Variants in AMZ2 observed in about 807,000 individuals in gnomAD.
The protein encoded by AMZ2 is archaelysin family metallopeptidase 2.
AMZ2 carries 26 observed loss-of-function variants against 36.7 expected under a neutral mutation model. The observed-to-expected ratio is 0.71, with a 90% confidence interval of 0.52 to 0.98. The LOEUF is 0.98. Ranked by LOEUF, AMZ2 falls within the 50% of genes least tolerant of loss-of-function variation. AMZ2 has a pLI of 0.00. For missense variants in AMZ2, 394 were observed against 430.5 expected (o/e 0.92, Z 0.75); for synonymous variants, 144 against 149.1 (o/e 0.97, Z 0.25).
At position 68,206,247 on chromosome 17, in the gene AMZ2, C is replaced by G. The variant is rs181720841; in HGVS notation, c.-67+9C>G. On this transcript the variant is annotated intron_variant, in intron 1 of 7. Transcript: ENST00000674770. ...CTACAGCAGCACTCCAGGTACCCAC[C>G]CAGCCCAGTTGCTGCAGACTCCTTC... 3.0e-4 allele frequency: 387 copies of G among 1,300,324 alleles called. 3 individuals carry two copies. The East Asian group carries it at 9.8e-3, about 33-fold the overall frequency. The allele number at this position is 1,300,324 out of a possible 1,614,324, so 80.5% of individuals were successfully genotyped here.
intron 4 of AMZ2, among the ~76,000 whole-genome samples, chr17:68,254,067 C>A (rs1555741339): frequency 6.6e-6 from 1 of 152,118 alleles, no homozygotes; most frequent in Non-Finnish European, 1.5e-5. Context: ...TTTTATGATT[C>A]CTTTTTGAGT....
At chr17:68,223,860 C>T (rs12936481) in intron 1 of AMZ2, among the ~76,000 whole-genome samples, 52,823 of 150,078 alleles carry the variant, frequency 0.35, 10,398 homozygotes, top group African/African-American at 0.54. Flanking sequence ...GGATTACAGG[C>T]GTGCACCACC....
chr17:68,220,147 T>C (rs1243244776), intron 1 of AMZ2, among the ~76,000 whole-genome samples: 1 of 152,228 alleles, frequency 6.6e-6, no homozygotes, highest in South Asian at 2.1e-4. Flanking sequence ...AAAGTAAATA[T>C]GGCAAAATGT....
chr17:68,234,822 G>A (rs575529712), intron 1 of AMZ2, among the ~76,000 whole-genome samples: 22 of 151,524 alleles, frequency 1.5e-4, no homozygotes, highest in African/African-American at 3.6e-4. Flanking sequence ...AGACCAGCCC[G>A]GCCAACAACA....
At chr17:68,209,632 A>ATATATGTATATATATTTT in intron 1 of AMZ2, among the ~76,000 whole-genome samples, 6 of 90,694 alleles carry the variant, frequency 6.6e-5, no homozygotes, top group Non-Finnish European at 1.2e-4. Context: ...ATATATATAT[A>ATATATGTATATATATTTT]TTTTTTTTTT....
At chr17:68,221,206 AGCT>A (rs2073349033) in intron 1 of AMZ2, among the ~76,000 whole-genome samples, 2 of 28,594 alleles carry the variant, frequency 7.0e-5, no homozygotes, top group African/African-American at 2.5e-4. Flanking sequence ...CTCAGCCCTC[AGCT>A]CCCCCCCCCG....
At chr17:68,247,152 T>G (rs1408825010), upstream of AMZ2, 1 of 151,306 alleles carries the variant, frequency 6.6e-6, no homozygotes, top group African/African-American at 2.4e-5. Context: ...CTGGCCAACA[T>G]GGTGAAACCC....
upstream of AMZ2, among the ~76,000 whole-genome samples, chr17:68,243,457 C>T (rs1224375357): frequency 3.3e-5 from 5 of 152,104 alleles, no homozygotes; most frequent in African/African-American, 9.7e-5. Context: ...TAAATAGATG[C>T]TTAGTATTCT....
intron 1 of AMZ2, among the ~76,000 whole-genome samples, chr17:68,213,641 G>C (rs577596423): frequency 1.8e-4 from 28 of 152,296 alleles, no homozygotes; most frequent in African/African-American, 5.5e-4. Flanking sequence ...CATCCACGAG[G>C]TATTTTTGGT....
chr17:68,254,413 T>A lies in AMZ2; in HGVS notation c.596T>A (p.Ile199Lys). ...GQASLTDGVG[I>K]FSFARYGSDF... is the part of the protein sequence containing the mutation. ...TGTCCTTTTTTTGTAGGTGTGGGGA[T>A]ATTCAGCTTTGCCAGGTATGGCAGT... Residue 199 changes from isoleucine (I) to lysine (K), a missense_variant, in exon 5 of 7, where the codon ATA becomes AAA. Coordinates refer to ENST00000359904, the MANE Select transcript of AMZ2 (RefSeq NM_016627.5). 1 of 1,612,190 alleles carries A rather than the reference T, an allele frequency of 6.2e-7. No individual in the cohort carries two copies. The highest frequency in any genetic ancestry group is 8.5e-7 in the Non-Finnish European group (1 of 1,179,752).
chr17:68,246,072 G>A (rs2073995500), upstream of AMZ2, among the ~76,000 whole-genome samples: 1 of 151,746 alleles, frequency 6.6e-6, no homozygotes, highest in Admixed American at 6.6e-5. Context: ...TTGGGAGGCC[G>A]AAGTAGGTGG....
At chr17:68,228,410 C>T (rs2073570881) in intron 1 of AMZ2, among the ~76,000 whole-genome samples, 1 of 152,146 alleles carries the variant, frequency 6.6e-6, no homozygotes, top group Admixed American at 6.5e-5. Context: ...GAGACTGGAC[C>T]ACAGCCCAGG....
chr17:68,231,307 A>C lies in AMZ2; in HGVS notation c.-66-17333A>C, dbSNP rs751070853. On this transcript the variant is annotated intron_variant, in intron 1 of 7. Coordinates refer to the AMZ2 transcript ENST00000674770. ...GTTGGTCTTGAATTCCTGGGCTTAC[A>C]TGATCCACCTGCCTCAGCCTCTCAA... Among the ~76,000 whole-genome samples, 335 of 152,126 alleles carry C rather than the reference A, an allele frequency of 2.2e-3. 1 individual carries two copies. Among genetic ancestry groups the C allele is most frequent in the Middle Eastern group, 3.4e-3 (1 of 294 alleles).
chr17:68,209,604 G>GTGTGTATATA (rs1324576987), intron 1 of AMZ2, among the ~76,000 whole-genome samples: 1 of 117,758 alleles, frequency 8.5e-6, no homozygotes, highest in African/African-American at 3.6e-5. Flanking sequence ...GTGTGTGTGT[G>GTGTGTATATA]TATATGTATA....
At chr17:68,206,836 T>C (rs34044703) in intron 1 of AMZ2, 18,889 of 152,404 alleles carry the variant, frequency 0.12, 1,330 homozygotes, top group Non-Finnish European at 0.15. Flanking sequence ...TTTTATCTGG[T>C]CCTGTATGTT....
chr17:68,220,363 C>T (rs1285686744), intron 1 of AMZ2, among the ~76,000 whole-genome samples: 4 of 152,062 alleles, frequency 2.6e-5, no homozygotes, highest in East Asian at 1.9e-4. Context: ...GCATTGATCT[C>T]GGTCATCACA....
chr17:68,255,589 G>C (rs2074838202), intron 5 of AMZ2, 111 bp from the exon 6 acceptor site: 1 of 1,141,624 alleles, frequency 8.8e-7, no homozygotes, highest in South Asian at 1.5e-5. Context: ...AGTTTTGGTG[G>C]TAATGGTAAG....
chr17:68,253,377 C>T (rs782540864), intron 4 of AMZ2, among the ~76,000 whole-genome samples: 3 of 152,128 alleles, frequency 2.0e-5, no homozygotes, highest in African/African-American at 4.8e-5. Flanking sequence ...TAAAAGTGAT[C>T]ATGTAAACAA....
chr17:68,228,114 C>T (rs1568354489), intron 1 of AMZ2, among the ~76,000 whole-genome samples: 1 of 152,104 alleles, frequency 6.6e-6, no homozygotes, highest in East Asian at 1.9e-4. Flanking sequence ...TAGCCGCCCA[C>T]ACATCATCTT....
Sources: allele counts gnomAD v4.1 joint callset (sites outside exome capture counted in the v4.1 genomes callset), GRCh38; gene constraint gnomAD v4.1.1; transcripts MANE v1.5; gene names NCBI Gene and HGNC (gene_info 2026-07-23, HGNC 2026-07-21).